TEAD1: variants seen among roughly 807,000 people sequenced by gnomAD.
The protein encoded by TEAD1 is transcriptional enhancer factor TEF-1.
In TEAD1, 9 loss-of-function variants were observed where a neutral mutation model predicts 54.9. The observed-to-expected ratio is 0.16, with a 90% CI of 0.10 to 0.29. The LOEUF (loss-of-function observed/expected upper bound fraction) is 0.29. TEAD1 is among the 10% of genes least tolerant of loss of function. The pLI is 1.00. For missense variants in TEAD1, 387 were observed against 535.9 expected (o/e 0.72, Z 2.74); for synonymous variants, 200 against 187.8 (o/e 1.07, Z -0.53).
intron 3 of TEAD1, among the ~76,000 whole-genome samples, chr11:12,794,941 T>G (rs3927025): frequency 1 from 152,257 of 152,336 alleles, 76,089 homozygotes; most frequent in Middle Eastern, 1. Flanking sequence ...CACCTTCACC[T>G]GATTCAGTCT....
chr11:12,763,063 A>G (rs944532450), intron 2 of TEAD1, among the ~76,000 whole-genome samples: 3 of 152,184 alleles, frequency 2.0e-5, no homozygotes, highest in South Asian at 4.1e-4. Flanking sequence ...TAATGATCCT[A>G]TACCTTTTCA....
chr11:12,862,067 C>T (rs1157896983), intron 3 of TEAD1, among the ~76,000 whole-genome samples, 183 bp from the exon 4 acceptor site: 1 of 147,280 alleles, frequency 6.8e-6, no homozygotes, highest in Non-Finnish European at 1.5e-5. Flanking sequence ...AAATGCCTTT[C>T]ATCTTAATTT....
At chr11:12,847,635 T>G (rs1417317079) in intron 3 of TEAD1, among the ~76,000 whole-genome samples, 1 of 152,170 alleles carries the variant, frequency 6.6e-6, no homozygotes, top group Non-Finnish European at 1.5e-5. Flanking sequence ...ACGTTTTAAT[T>G]TTTTACGGAT....
At chr11:12,910,747 CTTTTT>C (rs5789752) in intron 10 of TEAD1, among the ~76,000 whole-genome samples, 5 of 119,922 alleles carry the variant, frequency 4.2e-5, no homozygotes, top group South Asian at 2.8e-4. Flanking sequence ...ACTTAATTTG[CTTTTT>C]TTTTTTTTTT....
At chr11:12,680,822 T>C (rs932880558) in intron 2 of TEAD1, among the ~76,000 whole-genome samples, 5 of 152,234 alleles carry the variant, frequency 3.3e-5, no homozygotes, top group African/African-American at 1.2e-4. Context: ...TGGTGCTTTC[T>C]GGGTAGGCGT....
At chr11:12,932,791 C>A (rs1212443236) in intron 12 of TEAD1, among the ~76,000 whole-genome samples, 4 of 152,172 alleles carry the variant, frequency 2.6e-5, no homozygotes, top group Non-Finnish European at 5.9e-5. Flanking sequence ...CCTTCCCATT[C>A]ACTCGTCACT....
chr11:12,721,144 C>A (rs752094247), intron 2 of TEAD1, among the ~76,000 whole-genome samples: 1 of 152,216 alleles, frequency 6.6e-6, no homozygotes, highest in Non-Finnish European at 1.5e-5. Flanking sequence ...TTAATCGTTG[C>A]TAGTTACTAG....
At chr11:12,784,735 CCCAGGATCCTAGTT>C (rs1945641702) in intron 3 of TEAD1, among the ~76,000 whole-genome samples, 1 of 152,140 alleles carries the variant, frequency 6.6e-6, no homozygotes, top group African/African-American at 2.4e-5. Context: ...AATGGGTCAG[CCCAGGATCCTAGTT>C]CCTCCTTCCC....
intron 4 of TEAD1, among the ~76,000 whole-genome samples, chr11:12,863,860 C>T (rs949077722): frequency 2.6e-5 from 4 of 152,102 alleles, no homozygotes; most frequent in Admixed American, 6.5e-5. Flanking sequence ...TTCCACGCCC[C>T]GGCATCCTGG....
intron 10 of TEAD1, among the ~76,000 whole-genome samples, chr11:12,913,738 A>C (rs1329049449): frequency 6.6e-6 from 1 of 152,230 alleles, no homozygotes; most frequent in African/African-American, 2.4e-5. Context: ...ATGTACTGAA[A>C]AAGTATTTGC....
intron 3 of TEAD1, among the ~76,000 whole-genome samples, chr11:12,841,347 AAG>A (rs1947036572): frequency 6.6e-6 from 1 of 152,210 alleles, no homozygotes; most frequent in Admixed American, 6.5e-5. Flanking sequence ...CTACTGGCTT[AAG>A]AGAGTCTCTG....
At chr11:12,887,025 T>C (rs1490371311) in intron 9 of TEAD1, among the ~76,000 whole-genome samples, 1 of 152,122 alleles carries the variant, frequency 6.6e-6, no homozygotes, top group African/African-American at 2.4e-5. Flanking sequence ...CAAACACTCA[T>C]TCTTCAGTTG....
intron 2 of TEAD1, among the ~76,000 whole-genome samples, chr11:12,676,943 G>T (rs759365947): frequency 1.4e-4 from 21 of 151,918 alleles, no homozygotes; most frequent in Non-Finnish European, 2.6e-4. Context: ...TACTTTAATG[G>T]TAAATATTAT....
intron 9 of TEAD1, among the ~76,000 whole-genome samples, chr11:12,889,309 A>G (rs908988695): frequency 6.6e-6 from 1 of 152,184 alleles, no homozygotes; most frequent in African/African-American, 2.4e-5. Context: ...CTGTCAGCTG[A>G]ATCCTGAAAG....
At chr11:12,805,751 T>C (rs752003556) in intron 3 of TEAD1, among the ~76,000 whole-genome samples, 7 of 152,210 alleles carry the variant, frequency 4.6e-5, no homozygotes, top group Non-Finnish European at 8.8e-5. Flanking sequence ...AGATAAAGAT[T>C]AGTAGGTACA....
chr11:12,920,904 GC>G (rs936433926), intron 10 of TEAD1, among the ~76,000 whole-genome samples: 7 of 152,192 alleles, frequency 4.6e-5, no homozygotes, highest in Non-Finnish European at 1.0e-4. Flanking sequence ...AGAATAGTGT[GC>G]AGCCACTAGA....
chr11:12,806,556 C>T (rs1357893666), intron 3 of TEAD1, among the ~76,000 whole-genome samples: 1 of 152,148 alleles, frequency 6.6e-6, no homozygotes, highest in African/African-American at 2.4e-5. Flanking sequence ...AGAAGAAGAC[C>T]AGAGCAAGAC....
rs1386959914 is a variant in TEAD1 at position 12,902,057 on chromosome 11, T to C, written c.817T>C (p.Leu273=). ...CAAATTTCCTGAAAAGAAAGGTGGCTTAAAGGAACTGTTTGGAAAGGGCCC... is the reference window on the plus strand; with the variant it reads ...CAAATTTCCTGAAAAGAAAGGTGGCCTAAAGGAACTGTTTGGAAAGGGCCC... The change falls in exon 10 of 13, where the codon TTA becomes CTA. Residue 273 remains leucine (L), a synonymous_variant. Transcript: ENST00000527636. 1 of 1,614,246 alleles carries C rather than the reference T, an allele frequency of 6.2e-7. No individual in the cohort carries two copies. The highest frequency in any genetic ancestry group is 2.2e-5 in the East Asian group (1 of 44,888).
chr11:12,917,471 G>A (rs184983409), intron 10 of TEAD1, among the ~76,000 whole-genome samples: 1 of 152,298 alleles, frequency 6.6e-6, no homozygotes, highest in East Asian at 1.9e-4. Context: ...TTGTAGCAGA[G>A]AAAATTAATA....
Sources: allele counts gnomAD v4.1 joint callset (sites outside exome capture counted in the v4.1 genomes callset), GRCh38; gene constraint gnomAD v4.1.1; transcripts MANE v1.5; gene names NCBI Gene and HGNC (gene_info 2026-07-23, HGNC 2026-07-21).